The following AHCTF1 variants were observed in gnomAD, a reference collection of about 807,000 sequenced individuals.
AHCTF1 encodes the protein protein ELYS.
Under a neutral mutation model 248.4 loss-of-function variants are expected in AHCTF1, and 24 were observed. The ratio of observed to expected loss-of-function variants is 0.10; its 90% confidence interval spans 0.07 to 0.14. The LOEUF (loss-of-function observed/expected upper bound fraction) is 0.14, where lower values mean the gene tolerates loss of function less well. Among genes scored for constraint, AHCTF1 ranks in the 10% least tolerant of loss-of-function variants. AHCTF1 has a pLI of 1.00. For synonymous variants in AHCTF1, 786 were observed against 929.8 expected (o/e 0.85, Z 2.81); for missense variants, 2,206 against 2,636.2 (o/e 0.84, Z 3.57).
chr1:246,919,851 T>A (rs1489008690), intron 1 of AHCTF1, among the ~76,000 whole-genome samples: 2 of 150,386 alleles, frequency 1.3e-5, no homozygotes, highest in Non-Finnish European at 3.0e-5. Flanking sequence ...ACAAAGAAAA[T>A]AAACTCACAG....
intron 3 of AHCTF1, among the ~76,000 whole-genome samples, chr1:246,915,600 C>T (rs1440582973): frequency 6.6e-6 from 1 of 152,170 alleles, no homozygotes; most frequent in Non-Finnish European, 1.5e-5. Context: ...AAAGTATTCA[C>T]TATATTTATG....
chr1:246,900,280 G>A (rs760978804), intron 9 of AHCTF1, 34 bp from the exon 10 acceptor site: 2 of 1,584,372 alleles, frequency 1.3e-6, no homozygotes, highest in East Asian at 4.5e-5. Context: ...CTAAGTCATT[G>A]GTCAGCTACA....
Position 246,876,175 on chromosome 1 carries a change from G to A in AHCTF1, c.2950C>T (p.Pro984Ser), listed in dbSNP as rs111561029. 10 of 1,592,552 alleles carry A rather than the reference G, an allele frequency of 6.3e-6. No individual in the cohort carries two copies. Among genetic ancestry groups the A allele is most frequent in the African/African-American group, 5.4e-5 (4 of 74,416 alleles). The change falls in exon 24 of 36, where the codon CCT (proline) becomes TCT (serine). Residue 984 changes from proline to serine, a missense_variant. Transcript: ENST00000648844. ...GCCAGTGATCTCTCCCGCAAACGAG[G>A]ATCACGATCATTCTATTAAACATCA... ...LKINVMNDRD[P>S]RLRERSLARN... is the part of the protein sequence containing the mutation.
intron 35 of AHCTF1, among the ~76,000 whole-genome samples, chr1:246,842,472 C>T (rs1469737656): frequency 6.6e-6 from 1 of 151,922 alleles, no homozygotes; most frequent in Non-Finnish European, 1.5e-5. Context: ...GTCCCAGCTA[C>T]TTGGGAGGCT....
At chr1:246,894,777 T>C (rs760553770) in intron 13 of AHCTF1, 29 bp from the exon 14 acceptor site, 9 of 1,565,134 alleles carry the variant, frequency 5.8e-6, no homozygotes, top group Admixed American at 5.0e-5. Flanking sequence ...AGGGAAAAAA[T>C]AAAGATTATT....
chr1:246,851,782 A>C (rs1158516314), intron 32 of AHCTF1: 2 of 196,410 alleles, frequency 1.0e-5, no homozygotes, highest in African/African-American at 4.7e-5. Flanking sequence ...AAGAAAAAAA[A>C]TTAACCGGAA....
chr1:246,883,723 T>A (rs1285868793), intron 21 of AHCTF1, among the ~76,000 whole-genome samples: 2 of 152,168 alleles, frequency 1.3e-5, no homozygotes, highest in Non-Finnish European at 2.9e-5. Context: ...GCATTTTGAG[T>A]GGTTGTTTTT....
rs1661133687 is a variant in AHCTF1, at chr1:246,856,733, T to C, written c.4257-906A>G. On this transcript the variant is annotated intron_variant, in intron 30 of 35. Transcript: ENST00000648844. ...TCCTTTCATACTGGCTTCTACTTTTTCCATGCAGGCCTGGCAAAAATTCCA... is the reference window on the plus strand; with the variant it reads ...TCCTTTCATACTGGCTTCTACTTTTCCCATGCAGGCCTGGCAAAAATTCCA... Among the ~76,000 whole-genome samples, 3 of 152,252 alleles carry C rather than the reference T, an allele frequency of 2.0e-5. No individual in the cohort carries two copies. The South Asian group carries it at 6.2e-4, about 31-fold the overall frequency.
chr1:246,852,309 G>A (rs1289223744), intron 32 of AHCTF1, among the ~76,000 whole-genome samples: 1 of 152,132 alleles, frequency 6.6e-6, no homozygotes, highest in African/African-American at 2.4e-5. Flanking sequence ...TATGGATAAC[G>A]ATGACATTTT....
At chr1:246,879,934 T>C (rs543719605) in intron 21 of AHCTF1, among the ~76,000 whole-genome samples, 1 of 152,258 alleles carries the variant, frequency 6.6e-6, no homozygotes, top group Non-Finnish European at 1.5e-5. Context: ...CTTTATGTAA[T>C]TATAAAATTA....
At chr1:246,931,270 G>A (rs936296313) in intron 1 of AHCTF1, 2 of 1,548,698 alleles carry the variant, frequency 1.3e-6, no homozygotes, top group South Asian at 1.2e-5. Context: ...CCGGCCGTCC[G>A]TAAAGGGACC....
chr1:246,918,541 A>C (rs1249477842), intron 1 of AHCTF1, among the ~76,000 whole-genome samples, 164 bp from the exon 2 acceptor site: 2 of 152,274 alleles, frequency 1.3e-5, no homozygotes, highest in Non-Finnish European at 2.9e-5. Flanking sequence ...CACGCCTTTA[A>C]GTCCCAGCTA....
At chr1:246,857,253 T>C (rs1447186276) in intron 30 of AHCTF1, among the ~76,000 whole-genome samples, 1 of 152,210 alleles carries the variant, frequency 6.6e-6, no homozygotes, top group African/African-American at 2.4e-5. Flanking sequence ...TGGGAGTATG[T>C]TTCAAATGGT....
rs1660538615 is a variant in AHCTF1, at chr1:246,849,560, T to G, written c.6391+55A>C. The G allele has an allele frequency of 9.8e-6, 15 of 1,528,940 alleles. No individual in the cohort carries two copies. In the South Asian group the frequency reaches 2.0e-4, roughly 20 times the overall value. 94.7% of individuals were successfully genotyped at this position (1,528,940 alleles called of 1,614,324 possible). On this transcript the variant is annotated intron_variant, in intron 33 of 35. Coordinates refer to ENST00000648844, the MANE Select transcript of AHCTF1 (RefSeq NM_001323342.2). ...CCATTTTTAGGACAAATAACCAAAT[T>G]TTAAGCTGAAGAGTGACTGAGATGA...
At chr1:246,919,806 C>T (rs1666397211) in intron 1 of AHCTF1, among the ~76,000 whole-genome samples, 1 of 151,664 alleles carries the variant, frequency 6.6e-6, no homozygotes. Context: ...TCTGGAATCT[C>T]AAAGAATTCT....
intron 24 of AHCTF1, among the ~76,000 whole-genome samples, chr1:246,872,783 C>T (rs977796466): frequency 9.2e-5 from 14 of 152,146 alleles, no homozygotes; most frequent in East Asian, 1.9e-4. Flanking sequence ...ATTGAACCTT[C>T]GAAGTGTGCT....
intron 10 of AHCTF1, 58 bp downstream of exon 10, chr1:246,900,007 C>T: frequency 1.4e-6 from 2 of 1,478,168 alleles, no homozygotes; most frequent in Non-Finnish European, 9.3e-7. Context: ...ACAACGTATA[C>T]ATTTACATAC....
rs1663017299 is a variant in AHCTF1 at position 246,876,991 on chromosome 1, G to C, written c.2896C>G (p.Pro966Ala). 2 of 1,611,876 alleles carry C rather than the reference G, an allele frequency of 1.2e-6. No homozygotes were observed. The highest frequency in any genetic ancestry group is 1.7e-6 in the Non-Finnish European group (2 of 1,179,908). Residue 966 changes from proline to alanine, a missense_variant, in exon 23 of 36, where the codon CCT (proline) becomes GCT (alanine). Transcript: ENST00000648844. ...AGAGTTTGGTTCAGCTTCAAGGCAG[G>C]CACATAATTGGCACGCTGCAAATGG... ...VHHLQRANYV[P>A]ALKLNQTLKI...
At chr1:246,879,989 G>A (rs2103112961) in intron 21 of AHCTF1, among the ~76,000 whole-genome samples, 1 of 152,280 alleles carries the variant, frequency 6.6e-6, no homozygotes. Context: ...AGGGTGTACA[G>A]TTAGAAGGGT....
Sources: allele counts gnomAD v4.1 joint callset (sites outside exome capture counted in the v4.1 genomes callset), GRCh38; gene constraint gnomAD v4.1.1; transcripts MANE v1.5; gene names NCBI Gene and HGNC (gene_info 2026-07-23, HGNC 2026-07-21).